The following MDGA2 variants were observed in gnomAD, a reference collection of about 807,000 sequenced individuals.
MDGA2 encodes MAM domain containing glycosylphosphatidylinositol anchor 2.
A neutral mutation model predicts 117.8 loss-of-function variants in MDGA2; 40 were observed. The observed-to-expected ratio is 0.34, with a 90% CI of 0.26 to 0.44. MDGA2 has a LOEUF of 0.44. Ranked by LOEUF, MDGA2 falls within the 20% of genes least tolerant of loss-of-function variation. The pLI is 1.00. For missense variants in MDGA2, 1,123 were observed against 1,250.6 expected (o/e 0.90, Z 1.54); for synonymous variants, 452 against 439.0 (o/e 1.03, Z -0.37).
chr14:47,172,446 C>T (rs988173405), intron 3 of MDGA2, among the ~76,000 whole-genome samples: 19 of 151,890 alleles, frequency 1.3e-4, no homozygotes, highest in Non-Finnish European at 2.2e-4. Context: ...TCCTCTGAGA[C>T]AAAACTTCCA....
At chr14:47,092,192 T>C (rs937639380) in intron 6 of MDGA2, among the ~76,000 whole-genome samples, 5 of 152,242 alleles carry the variant, frequency 3.3e-5, no homozygotes, top group East Asian at 1.9e-4. Flanking sequence ...CATGGAAAGA[T>C]AGGATCTGAT....
intron 3 of MDGA2, among the ~76,000 whole-genome samples, chr14:47,155,540 T>A (rs1274862660): frequency 6.6e-6 from 1 of 152,096 alleles, no homozygotes; most frequent in African/African-American, 2.4e-5. Flanking sequence ...GTACGCCTGC[T>A]CCAGCTGCGG....
chr14:47,042,547 T>G (rs2138684120), intron 7 of MDGA2, among the ~76,000 whole-genome samples: 1 of 152,246 alleles, frequency 6.6e-6, no homozygotes. Context: ...GTCCTCCATC[T>G]CTTCTTTGCT....
intron 8 of MDGA2, among the ~76,000 whole-genome samples, chr14:46,984,401 A>T (rs1886791570): frequency 6.6e-6 from 1 of 151,984 alleles, no homozygotes; most frequent in Non-Finnish European, 1.5e-5. Flanking sequence ...TATATTTTGT[A>T]TATTTTATGT....
chr14:46,875,913 T>C lies in MDGA2; in HGVS notation c.2437+1576A>G, dbSNP rs535838724. 1.3e-3 allele frequency among the ~76,000 whole-genome samples: 195 copies of C among 151,738 alleles called. 2 individuals carry two copies. The highest frequency in any genetic ancestry group is 4.5e-3 in the African/African-American group (187 of 41,536). On this transcript the variant is annotated intron_variant, in intron 12 of 16. Coordinates refer to ENST00000399232, the MANE Select transcript of MDGA2 (RefSeq NM_001113498.3). ...GTATAATGAATTTTTATAACACTGT[T>C]GAACCTTTTTTTCGTAATTTAAACT...
intron 1 of MDGA2, among the ~76,000 whole-genome samples, chr14:47,416,049 A>C (rs1326650355): frequency 1.3e-5 from 2 of 152,132 alleles, no homozygotes; most frequent in Non-Finnish European, 2.9e-5. Flanking sequence ...TGACTTTTTC[A>C]CATGCAAAAT....
At chr14:47,305,842 A>T (rs1214673563) in intron 1 of MDGA2, among the ~76,000 whole-genome samples, 1 of 152,250 alleles carries the variant, frequency 6.6e-6, no homozygotes, top group Non-Finnish European at 1.5e-5. Context: ...AAGACAAAGC[A>T]GACGATAGCT....
At chr14:47,328,471 A>G (rs1594798827) in intron 1 of MDGA2, among the ~76,000 whole-genome samples, 1 of 152,160 alleles carries the variant, frequency 6.6e-6, no homozygotes, top group African/African-American at 2.4e-5. Flanking sequence ...CTGCATTTTA[A>G]AGATCCTAAG....
intron 5 of MDGA2, among the ~76,000 whole-genome samples, chr14:47,104,217 C>G (rs554005899): frequency 1.3e-5 from 2 of 152,230 alleles, no homozygotes; most frequent in South Asian, 4.1e-4. Flanking sequence ...GAGCCCAAGC[C>G]AAGCCATCGC....
chr14:47,303,055 G>T (rs182624696), intron 1 of MDGA2, among the ~76,000 whole-genome samples: 1 of 152,178 alleles, frequency 6.6e-6, no homozygotes, highest in Non-Finnish European at 1.5e-5. Context: ...TAGAAAAGTG[G>T]TCTTGACATT....
At chr14:47,356,289 C>T (rs1023880289) in intron 1 of MDGA2, among the ~76,000 whole-genome samples, 8 of 152,124 alleles carry the variant, frequency 5.3e-5, no homozygotes, top group Admixed American at 4.6e-4. Flanking sequence ...TCTTTCTCAC[C>T]CTTGTAGGAA....
rs1453374804 is a variant in MDGA2, at chr14:46,969,930, TTCCATATATATA to T, written c.1820-12299_1820-12288del. Among the ~76,000 whole-genome samples, 10 of 135,840 alleles carry T rather than the reference TTCCATATATATA, an allele frequency of 7.4e-5. No homozygotes were observed. The East Asian group carries it at 8.6e-4, about 12-fold the overall frequency. The allele number at this position is 135,840 out of a possible 152,430, so 89.1% of individuals were successfully genotyped here. A position where few individuals can be genotyped will look rare whatever the true frequency, so the allele number is the denominator to read the frequency against. On this transcript the variant is annotated intron_variant, in intron 8 of 16. Coordinates refer to ENST00000399232, the MANE Select transcript of MDGA2 (RefSeq NM_001113498.3). ...CACATGTACCTTAGAACTTAAAGTA[TTCCATATATATA>T]TATATATATATATATATATATATAT...
At chr14:47,092,633 C>T (rs1162036002) in intron 6 of MDGA2, among the ~76,000 whole-genome samples, 2 of 152,024 alleles carry the variant, frequency 1.3e-5, no homozygotes, top group East Asian at 1.9e-4. Flanking sequence ...AAATATTTTC[C>T]CTCCAATGTT....
chr14:47,565,317 T>C (rs1294786818), intron 1 of MDGA2, among the ~76,000 whole-genome samples: 1 of 152,228 alleles, frequency 6.6e-6, no homozygotes, highest in Non-Finnish European at 1.5e-5. Context: ...TTTGCTTTTC[T>C]ATCTTCTTTG....
intron 1 of MDGA2, among the ~76,000 whole-genome samples, chr14:47,404,346 C>A (rs1446013544): frequency 6.6e-6 from 1 of 151,966 alleles, no homozygotes. Context: ...CCGCCATGCC[C>A]AGCTGATTTT....
At chr14:47,286,565 C>CT (rs1888676804) in intron 2 of MDGA2, among the ~76,000 whole-genome samples, 1 of 151,836 alleles carries the variant, frequency 6.6e-6, no homozygotes, top group African/African-American at 2.4e-5. Flanking sequence ...TGACTTCATT[C>CT]TTTTTTGTGT....
intron 1 of MDGA2, among the ~76,000 whole-genome samples, chr14:47,358,085 T>G (rs756540359): frequency 6.6e-6 from 1 of 152,150 alleles, no homozygotes; most frequent in African/African-American, 2.4e-5. Flanking sequence ...AGAAAACCAG[T>G]TGGATCCATA....
At chr14:47,228,077 T>A (rs1016329411) in intron 2 of MDGA2, among the ~76,000 whole-genome samples, 1 of 152,092 alleles carries the variant, frequency 6.6e-6, no homozygotes, top group Non-Finnish European at 1.5e-5. Context: ...AACTCCATCC[T>A]TCCAGTTATT....
rs916326944 is a variant in MDGA2, at chr14:47,111,544, A to G, written c.926-14421T>C. Among the ~76,000 whole-genome samples the G allele has an allele frequency of 7.2e-5, 11 of 152,338 alleles. No homozygotes were observed. In the East Asian group the frequency reaches 2.1e-3, roughly 29 times the overall value. On this transcript the variant is annotated intron_variant, in intron 5 of 16. Transcript: ENST00000399232. The stretch of plus-strand genomic sequence containing the variant: ...AAAGGATTTGTGAACCACATAAGTC[A>G]TAATTACAAAGCCTAAATCCTGAAG...
Sources: allele counts gnomAD v4.1 joint callset (sites outside exome capture counted in the v4.1 genomes callset), GRCh38; gene constraint gnomAD v4.1.1; transcripts MANE v1.5; gene names NCBI Gene and HGNC (gene_info 2026-07-23, HGNC 2026-07-21).